Variants in PRTG observed in about 807,000 individuals in gnomAD.
PRTG encodes protogenin.
In PRTG, 67 loss-of-function variants were observed where a neutral mutation model predicts 122.5. The ratio of observed to expected loss-of-function variants is 0.55; its 90% CI spans 0.45 to 0.67. The LOEUF is 0.67. Among genes scored for constraint, PRTG ranks in the 30% least tolerant of loss-of-function variants. The probability of loss-of-function intolerance (pLI) is 0.00; values close to 1 mark genes in which losing one functional copy is unlikely to be tolerated. For synonymous variants in PRTG, 554 were observed against 501.1 expected, an observed-to-expected ratio of 1.11 and a Z score of -1.41; for missense variants, 1,435 against 1,415.4, an observed-to-expected ratio of 1.01 and a Z score of -0.22.
chr15:55,642,810 T>C (rs1210254822), intron 11 of PRTG, among the ~76,000 whole-genome samples: 1 of 152,070 alleles, frequency 6.6e-6, no homozygotes, highest in Non-Finnish European at 1.5e-5. Context: ...AAATAGAGGA[T>C]GGGTGCAGTA....
Position 55,642,203 on chromosome 15 carries a change from AT to A in PRTG, c.2042-996del, listed in dbSNP as rs1169097658. Among the ~76,000 whole-genome samples the A allele has an allele frequency of 4.1e-3, 598 of 146,888 alleles. 19 individuals are homozygous for A. The highest frequency in any genetic ancestry group is 0.014 in the African/African-American group (534 of 38,010). ...CTCAAAAAAAAAAAAAAAAAAAAAA[AT>A]AGTTATACATTTCAACTCACATAAT... On this transcript the variant is annotated intron_variant, in intron 11 of 19. Coordinates refer to ENST00000389286, the MANE Select transcript of PRTG (RefSeq NM_173814.6).
chr15:55,651,497 C>T (rs375636912), intron 11 of PRTG, among the ~76,000 whole-genome samples: 1 of 152,120 alleles, frequency 6.6e-6, no homozygotes, highest in African/African-American at 2.4e-5. Flanking sequence ...TACCTTCCCC[C>T]CAATACCATG....
At chr15:55,676,770 C>CA (rs2059505235) in intron 8 of PRTG, among the ~76,000 whole-genome samples, 1 of 152,140 alleles carries the variant, frequency 6.6e-6, no homozygotes, top group Non-Finnish European at 1.5e-5. Flanking sequence ...TGGTCCCCAC[C>CA]AAAACCAGCA....
intron 9 of PRTG, among the ~76,000 whole-genome samples, 200 bp from the exon 10 acceptor site, chr15:55,673,876 C>T (rs2059487714): frequency 6.6e-6 from 1 of 152,078 alleles, no homozygotes; most frequent in Admixed American, 6.5e-5. Flanking sequence ...TGTGTGGAAA[C>T]AAAGAATATA....
At chr15:55,693,273 AAGG>A (rs748691669) in intron 2 of PRTG, among the ~76,000 whole-genome samples, 2 of 152,178 alleles carry the variant, frequency 1.3e-5, no homozygotes, top group Non-Finnish European at 2.9e-5. Context: ...CCTGACCAAC[AAGG>A]AGAAACCCTG....
chr15:55,738,025 T>TATACAC (rs1464247830), intron 2 of PRTG, among the ~76,000 whole-genome samples: 2 of 95,686 alleles, frequency 2.1e-5, no homozygotes, highest in South Asian at 3.9e-4. Context: ...TATATATATA[T>TATACAC]ACACACACAC....
At chr15:55,651,506 T>C (rs1422947518) in intron 11 of PRTG, among the ~76,000 whole-genome samples, 1 of 152,018 alleles carries the variant, frequency 6.6e-6, no homozygotes, top group African/African-American at 2.4e-5. Flanking sequence ...CCCAATACCA[T>C]GAAGAGTAAG....
chr15:55,631,902 T>C (rs1038958258), intron 15 of PRTG, among the ~76,000 whole-genome samples: 5 of 152,218 alleles, frequency 3.3e-5, no homozygotes, highest in African/African-American at 1.2e-4. Context: ...ACTCCTCTTC[T>C]TCCTCTTTTG....
At chr15:55,639,031 G>A (rs1384858861) in intron 13 of PRTG, among the ~76,000 whole-genome samples, 2 of 152,122 alleles carry the variant, frequency 1.3e-5, no homozygotes, top group East Asian at 3.8e-4. Context: ...GAGTGCAGTA[G>A]TGGGATCATA....
intron 2 of PRTG, among the ~76,000 whole-genome samples, chr15:55,696,627 T>C (rs1053266669): frequency 1.3e-5 from 2 of 152,242 alleles, no homozygotes; most frequent in African/African-American, 2.4e-5. Flanking sequence ...CTATTTGTTA[T>C]CTTAAATTAT....
intron 2 of PRTG, among the ~76,000 whole-genome samples, chr15:55,713,681 A>G (rs2030483707): frequency 6.6e-6 from 1 of 152,134 alleles, no homozygotes; most frequent in Non-Finnish European, 1.5e-5. Context: ...AAGTGAACTA[A>G]GCATAATTTC....
chr15:55,671,819 A>G (rs2059473628), intron 11 of PRTG, among the ~76,000 whole-genome samples: 1 of 152,196 alleles, frequency 6.6e-6, no homozygotes, highest in Non-Finnish European at 1.5e-5. Context: ...CATTTTGGAT[A>G]TACATTACTT....
intron 19 of PRTG, 21 bp from the exon 20 acceptor site, chr15:55,620,287 T>C: frequency 1.2e-6 from 2 of 1,612,338 alleles, no homozygotes; most frequent in South Asian, 1.1e-5. Context: ...AAAGATAAGA[T>C]GGCAATGAGA....
At chr15:55,670,450 G>C (rs1357679319) in intron 11 of PRTG, among the ~76,000 whole-genome samples, 1 of 152,022 alleles carries the variant, frequency 6.6e-6, no homozygotes, top group Non-Finnish European at 1.5e-5. Flanking sequence ...AAATTTTCTC[G>C]AATCAATAAT....
intron 8 of PRTG, among the ~76,000 whole-genome samples, chr15:55,677,245 G>A (rs1008999386): frequency 1.3e-4 from 20 of 152,248 alleles, no homozygotes; most frequent in Non-Finnish European, 2.5e-4. Flanking sequence ...ACTTTTATAT[G>A]ATGAGATAGC....
At chr15:55,723,305 T>C (rs1354778550) in intron 2 of PRTG, among the ~76,000 whole-genome samples, 1 of 149,704 alleles carries the variant, frequency 6.7e-6, no homozygotes, top group Non-Finnish European at 1.5e-5. Flanking sequence ...GTATAATTAA[T>C]GGAGACTGTA....
intron 2 of PRTG, among the ~76,000 whole-genome samples, chr15:55,711,090 T>A (rs1163884804): frequency 2.7e-5 from 4 of 150,446 alleles, no homozygotes; most frequent in Non-Finnish European, 5.9e-5. Context: ...TATTTTTTTT[T>A]TTTTTTTTTT....
chr15:55,626,582 C>T (rs2059196153), intron 17 of PRTG, among the ~76,000 whole-genome samples: 1 of 142,168 alleles, frequency 7.0e-6, no homozygotes, highest in Non-Finnish European at 1.5e-5. Flanking sequence ...AACCCCATCT[C>T]TACTAAAAAT....
rs571816769 is a variant in PRTG, at chr15:55,615,199, C to G, written c.*4813G>C. 9 of 152,108 alleles carry G rather than the reference C, an allele frequency of 5.9e-5. No homozygotes were observed. In the South Asian group the frequency reaches 1.9e-3, roughly 32 times the overall value. The allele number at this position is 152,108 out of a possible 1,614,324, so 9.4% of individuals were successfully genotyped here. ...AAAGGAAATAGATTTTTCCCTAAAG[C>G]CTCAAAAAGAAACAGCCCTGCAAGC... is the stretch of plus-strand genomic sequence containing the variant. On this transcript the variant is annotated 3_prime_UTR_variant, in exon 20 of 20. Transcript: ENST00000389286.
Sources: gnomAD v4.1 joint callset for allele counts (sites outside exome capture counted in the v4.1 genomes callset) on GRCh38, gnomAD v4.1.1 for gene constraint, MANE v1.5 for transcripts, NCBI Gene and HGNC (gene_info 2026-07-23, HGNC 2026-07-21) for gene names.